The following NLGN1 variants were observed in gnomAD, a reference collection of about 807,000 sequenced individuals.
NLGN1 encodes neuroligin 1.
In NLGN1, 12 loss-of-function variants were observed where a neutral mutation model predicts 65.5. The ratio of observed to expected loss-of-function variants is 0.18; its 90% CI spans 0.12 to 0.30. NLGN1 has a LOEUF of 0.30. Among genes scored for constraint, NLGN1 ranks in the 10% least tolerant of loss-of-function variants. The probability of loss-of-function intolerance (pLI) is 1.00; values close to 1 mark genes in which losing one functional copy is unlikely to be tolerated. For synonymous variants in NLGN1, 350 were observed against 359.5 expected, an observed-to-expected ratio of 0.97 and a Z score of 0.30; for missense variants, 750 against 1,007.1, an observed-to-expected ratio of 0.74 and a Z score of 3.46.
At chr3:174,191,540 C>A (rs1732390572) in intron 4 of NLGN1, among the ~76,000 whole-genome samples, 1 of 152,114 alleles carries the variant, frequency 6.6e-6, no homozygotes, top group African/African-American at 2.4e-5. Flanking sequence ...TGTGACCTGT[C>A]ATTCTGTGAA....
intron 3 of NLGN1, among the ~76,000 whole-genome samples, chr3:173,720,240 T>A (rs896481371): frequency 2.0e-5 from 3 of 152,206 alleles, no homozygotes; most frequent in Non-Finnish European, 4.4e-5. Flanking sequence ...TAAACACTCT[T>A]GAGAGAGTCC....
intron 4 of NLGN1, among the ~76,000 whole-genome samples, chr3:173,925,903 C>G (rs1742911650): frequency 6.6e-6 from 1 of 151,870 alleles, no homozygotes; most frequent in Admixed American, 6.6e-5. Context: ...TGTCATTGTT[C>G]TGATTTCTCT....
chr3:173,524,046 G>A (rs1385308058), intron 2 of NLGN1, among the ~76,000 whole-genome samples: 3 of 148,008 alleles, frequency 2.0e-5, no homozygotes, highest in African/African-American at 4.9e-5. Context: ...TTAGCCTCCC[G>A]AGTAGCTGGG....
At chr3:174,082,720 AT>A (rs1050415639) in intron 4 of NLGN1, among the ~76,000 whole-genome samples, 1 of 151,818 alleles carries the variant, frequency 6.6e-6, no homozygotes. Flanking sequence ...ATTTCTGTTC[AT>A]TTTTTTCTTT....
At chr3:173,445,267 CAAAAAAAAAAAAAAAA>C (rs60140480) in intron 2 of NLGN1, among the ~76,000 whole-genome samples, 24 of 103,510 alleles carry the variant, frequency 2.3e-4, no homozygotes, top group Non-Finnish European at 3.6e-4. Context: ...GACTCCGTCT[CAAAAAAAAAAAAAAAA>C]AAAAAAAAAA....
At chr3:174,266,177 C>CTGAT (rs1203275432) in intron 4 of NLGN1, among the ~76,000 whole-genome samples, 49 of 151,770 alleles carry the variant, frequency 3.2e-4, no homozygotes, top group African/African-American at 1.2e-3. Flanking sequence ...AACATAGTAT[C>CTGAT]TGATAGTTTT....
At chr3:173,446,716 C>G (rs1273028116) in intron 2 of NLGN1, among the ~76,000 whole-genome samples, 1 of 152,218 alleles carries the variant, frequency 6.6e-6, no homozygotes, top group African/African-American at 2.4e-5. Context: ...CACATCCTCT[C>G]CAGCACCTGT....
At chr3:173,881,811 ACTT>A (rs778573258) in intron 4 of NLGN1, among the ~76,000 whole-genome samples, 1 of 152,104 alleles carries the variant, frequency 6.6e-6, no homozygotes, top group Non-Finnish European at 1.5e-5. Flanking sequence ...CTTTTTCTGC[ACTT>A]CTGTTAATAT....
chr3:173,789,222 GAGAA>G (rs1203679141), intron 3 of NLGN1, among the ~76,000 whole-genome samples: 26 of 151,704 alleles, frequency 1.7e-4, no homozygotes, highest in Admixed American at 4.6e-4. Context: ...GAGAGAGAGA[GAGAA>G]AGAAAGAAGG....
At chr3:173,889,992 T>G (rs1054478323) in intron 4 of NLGN1, among the ~76,000 whole-genome samples, 2 of 150,768 alleles carry the variant, frequency 1.3e-5, no homozygotes, top group African/African-American at 4.9e-5. Flanking sequence ...TATGAGGGTG[T>G]GTGTGTGTGT....
chr3:174,046,924 A>C (rs1733739264), intron 4 of NLGN1, among the ~76,000 whole-genome samples: 1 of 152,038 alleles, frequency 6.6e-6, no homozygotes, highest in Admixed American at 6.6e-5. Context: ...AAAATTTATA[A>C]AAGGTTTGGA....
At chr3:173,958,183 G>A (rs373712487) in intron 4 of NLGN1, among the ~76,000 whole-genome samples, 8 of 152,196 alleles carry the variant, frequency 5.3e-5, no homozygotes, top group Admixed American at 1.3e-4. Flanking sequence ...GCAACATAGC[G>A]AGCAAGGGGC....
At chr3:173,724,530 C>A in intron 3 of NLGN1, 1 of 158,298 alleles carries the variant, frequency 6.3e-6, no homozygotes, top group Non-Finnish European at 1.4e-5. Flanking sequence ...CCCACCTCAG[C>A]GTCCAAAAGC....
chr3:174,090,710 C>T (rs544914544), intron 4 of NLGN1, among the ~76,000 whole-genome samples: 2 of 150,298 alleles, frequency 1.3e-5, no homozygotes, highest in South Asian at 2.1e-4. Flanking sequence ...TTGTACGTGA[C>T]GGAAGGTGAA....
At chr3:173,574,833 T>G (rs1268465244) in intron 2 of NLGN1, among the ~76,000 whole-genome samples, 1 of 152,230 alleles carries the variant, frequency 6.6e-6, no homozygotes, top group East Asian at 1.9e-4. Flanking sequence ...TAAAAGCCCT[T>G]GGATGCAGTT....
At chr3:173,568,242 TTTTCC>T (rs1744037106) in intron 2 of NLGN1, among the ~76,000 whole-genome samples, 1 of 151,822 alleles carries the variant, frequency 6.6e-6, no homozygotes, top group South Asian at 2.1e-4. Context: ...TTCCTTTTCC[TTTTCC>T]TTTTCTTTTT....
At chr3:173,831,954 C>CTTTCTTTTTCTT (rs58726940) in intron 4 of NLGN1, among the ~76,000 whole-genome samples, 63 of 150,268 alleles carry the variant, frequency 4.2e-4, no homozygotes, top group Non-Finnish European at 7.6e-4. Context: ...CTATATTCTA[C>CTTTCTTTTTCTT]TTTCTTTTTC....
At chr3:173,821,402 A>C (rs1457904777) in intron 4 of NLGN1, among the ~76,000 whole-genome samples, 5 of 152,126 alleles carry the variant, frequency 3.3e-5, no homozygotes, top group Non-Finnish European at 5.9e-5. Context: ...ATAAGAGATG[A>C]GTTTATTCCT....
intron 4 of NLGN1, among the ~76,000 whole-genome samples, chr3:174,193,128 T>C (rs892744443): frequency 6.6e-6 from 1 of 152,186 alleles, no homozygotes; most frequent in Non-Finnish European, 1.5e-5. Context: ...TAAGACCTTT[T>C]ATAAAGGTGA....
Sources: allele counts gnomAD v4.1 joint callset (sites outside exome capture counted in the v4.1 genomes callset), GRCh38; gene constraint gnomAD v4.1.1; transcripts MANE v1.5; gene names NCBI Gene and HGNC (gene_info 2026-07-23, HGNC 2026-07-21).